The following TJP1 variants were observed in gnomAD, a reference collection of about 807,000 sequenced individuals.
TJP1 encodes the protein tight junction protein 1.
A neutral mutation model predicts 194.2 loss-of-function variants in TJP1; 43 were observed. The ratio of observed to expected loss-of-function variants is 0.22; its 90% confidence interval spans 0.17 to 0.29. The LOEUF is 0.29. Ranked by LOEUF, TJP1 falls within the 10% of genes least tolerant of loss-of-function variation. TJP1 has a pLI of 1.00. For missense variants in TJP1, 1,971 were observed against 2,185.7 expected, an observed-to-expected ratio of 0.90 and a Z score of 1.96; for synonymous variants, 801 against 779.0, an observed-to-expected ratio of 1.03 and a Z score of -0.47.
At chr15:29,838,089 C>A (rs1441659929) in intron 2 of TJP1, among the ~76,000 whole-genome samples, 1 of 152,156 alleles carries the variant, frequency 6.6e-6, no homozygotes, top group African/African-American at 2.4e-5. Context: ...TATAAAATAT[C>A]CACTGTTCTA....
chr15:29,778,148 G>T (rs2151697545), intron 2 of TJP1, among the ~76,000 whole-genome samples: 1 of 152,202 alleles, frequency 6.6e-6, no homozygotes, highest in East Asian at 1.9e-4. Flanking sequence ...GCACCTAGTA[G>T]GGCAGGTAAT....
At chr15:29,949,676 T>A (rs1318553616) in intron 2 of TJP1, among the ~76,000 whole-genome samples, 8 of 39,552 alleles carry the variant, frequency 2.0e-4, no homozygotes, top group South Asian at 1.2e-3. Context: ...AACCACCACC[T>A]CCACCTTCAC....
At chr15:29,939,718 G>C (rs1831779028) in intron 2 of TJP1, among the ~76,000 whole-genome samples, 1 of 152,198 alleles carries the variant, frequency 6.6e-6, no homozygotes, top group South Asian at 2.1e-4. Flanking sequence ...AGGTGATTAG[G>C]TGCTGGGCTG....
chr15:29,816,256 C>T (rs952019035), intron 1 of TJP1, among the ~76,000 whole-genome samples: 15 of 151,880 alleles, frequency 9.9e-5, no homozygotes, highest in African/African-American at 2.9e-4. Flanking sequence ...CTTGAAGTCC[C>T]GCCCTCAGGT....
chr15:29,948,811 GC>G (rs2055375884), intron 2 of TJP1, among the ~76,000 whole-genome samples: 1 of 151,944 alleles, frequency 6.6e-6, no homozygotes, highest in African/African-American at 2.4e-5. Context: ...TCTGTTATTT[GC>G]AAACAGGAAC....
At chr15:29,912,838 G>C (rs2054064993) in intron 2 of TJP1, among the ~76,000 whole-genome samples, 1 of 151,742 alleles carries the variant, frequency 6.6e-6, no homozygotes, top group South Asian at 2.1e-4. Flanking sequence ...ACACCAAATA[G>C]AGTGAATGCT....
rs2337174 is a variant in TJP1, at chr15:29,784,006, T to G, written c.85-10649A>C. On this transcript the variant is annotated intron_variant, in intron 2 of 27. Coordinates refer to ENST00000614355, the MANE Select transcript of TJP1 (RefSeq NM_001330239.4). ...TTAAAAAAAAGAACGCCAGAGATTT[T>G]ATAAAAAGGATTTGAGGAACATTAC... Among the ~76,000 whole-genome samples, 755 of 152,128 alleles carry G rather than the reference T, an allele frequency of 5.0e-3. 6 individuals carry two copies. Among genetic ancestry groups the G allele is most frequent in the African/African-American group, 0.017 (700 of 41,484 alleles).
chr15:29,761,674 A>G lies in TJP1; in HGVS notation c.789T>C (p.Asp263=). Reference sequence around the variant, plus strand: ...GGACATTCAATAGCGTAGCCCGTTCATCTCTTTGAACTACCATTTTTAATT... The same window carrying G: ...GGACATTCAATAGCGTAGCCCGTTCGTCTCTTTGAACTACCATTTTTAATT... ...KGKLKMVVQR[D]ERATLLNVPD... is the part of the protein sequence containing the mutation. The change falls in exon 7 of 28, where the codon GAT becomes GAC. Residue 263 remains aspartate, a synonymous_variant. Transcript: ENST00000614355. 6.2e-7 allele frequency: 1 copy of G among 1,611,018 alleles called. No individual in the cohort carries two copies. Among genetic ancestry groups the G allele is most frequent in the Non-Finnish European group, 8.5e-7 (1 of 1,177,474 alleles).
At chr15:29,773,208 T>C in intron 3 of TJP1, 25 bp downstream of exon 3, 2 of 1,612,794 alleles carry the variant, frequency 1.2e-6, no homozygotes, top group Non-Finnish European at 1.7e-6. Flanking sequence ...TGTTGCACAG[T>C]GCCCACGATA....
intron 2 of TJP1, among the ~76,000 whole-genome samples, chr15:29,928,806 G>A (rs1029771387): frequency 6.6e-6 from 1 of 152,098 alleles, no homozygotes; most frequent in Non-Finnish European, 1.5e-5. Context: ...GCTGGGCGTG[G>A]TGGTGGGCGC....
chr15:29,710,398 G>A (rs563262640), intron 24 of TJP1, among the ~76,000 whole-genome samples: 1 of 152,078 alleles, frequency 6.6e-6, no homozygotes, highest in Non-Finnish European at 1.5e-5. Flanking sequence ...ATATGCTGAG[G>A]GTAAAATGTT....
Position 29,705,765 on chromosome 15 carries a change from T to C in TJP1, c.4851-20A>G. 6.2e-7 allele frequency: 1 copy of C among 1,609,666 alleles called. No homozygotes were observed. The highest frequency in any genetic ancestry group is 8.5e-7 in the Non-Finnish European group (1 of 1,176,056). On this transcript the variant is annotated intron_variant, in intron 25 of 27. Coordinates refer to ENST00000614355, the MANE Select transcript of TJP1 (RefSeq NM_001330239.4). The stretch of plus-strand genomic sequence containing the variant: ...GAAGGACTGAAAGTTCAGAAATGGC[T>C]AGTGAGTGAATTCCTAATAATACAC...
Position 29,822,303 on chromosome 15 carries a change from AG to A in TJP1, c.-276del. The A allele has an allele frequency of 8.9e-7, 1 of 1,123,212 alleles. No individual in the cohort carries two copies. Among genetic ancestry groups the A allele is most frequent in the Non-Finnish European group, 1.1e-6 (1 of 917,888 alleles). 69.6% of individuals were successfully genotyped at this position (1,123,212 alleles called of 1,614,324 possible). A position where few individuals can be genotyped will look rare whatever the true frequency, so the allele number is the denominator to read the frequency against. On this transcript the variant is annotated 5_prime_UTR_variant, in exon 1 of 28. Transcript: ENST00000614355. ...CCACTCGGCCTCCCGCAGCTTTCGC[AG>A]CCCGGCCACGTCGGCCTCGCCCGGT...
intron 2 of TJP1, among the ~76,000 whole-genome samples, chr15:29,773,683 T>C (rs1283334312): frequency 1.3e-5 from 2 of 152,242 alleles, no homozygotes; most frequent in African/African-American, 4.8e-5. Context: ...CAGAGCCCAG[T>C]GTGATCATCA....
In TJP1 at chr15:29,731,536, C is replaced by T. The variant is rs1290159425; in HGVS notation, c.2017+897G>A. Among the ~76,000 whole-genome samples, 5 of 152,172 alleles carry T rather than the reference C, an allele frequency of 3.3e-5. 1 individual carries two copies. The highest frequency in any genetic ancestry group is 2.0e-4 in the Admixed American group (3 of 15,286). On this transcript the variant is annotated intron_variant, in intron 15 of 27. Coordinates refer to ENST00000614355, the MANE Select transcript of TJP1 (RefSeq NM_001330239.4). ...AAATTCTGCCATTTTCGTTTCACTT[C>T]CTGAAAGTCAGGGTTGGCTTGTGAA...
chr15:29,860,417 C>T (rs971248242), intron 2 of TJP1, among the ~76,000 whole-genome samples: 1 of 152,128 alleles, frequency 6.6e-6, no homozygotes, highest in African/African-American at 2.4e-5. Context: ...TTCGCCCTTG[C>T]CCTAGGATCA....
intron 2 of TJP1, among the ~76,000 whole-genome samples, chr15:29,874,468 G>A (rs566385909): frequency 5.1e-4 from 77 of 152,222 alleles, no homozygotes; most frequent in African/African-American, 1.7e-3. Flanking sequence ...CATATGAGAT[G>A]AGCCTACAAC....
chr15:29,761,153 C>G lies in TJP1; in HGVS notation c.996G>C (p.Gln332His). ...PSDHSRHSPQ[Q>H]PSNGSLRSRD... is the part of the protein sequence containing the mutation. Reference sequence around the variant, plus strand: ...GGGTGTCTTACCTGCCATTGCTTGGCTGCTGCGGCGAGTGCCTGGAATGAT... The same window carrying G: ...GGGTGTCTTACCTGCCATTGCTTGGGTGCTGCGGCGAGTGCCTGGAATGAT... The change falls in exon 8 of 28, where the codon CAG becomes CAC. Residue 332 changes from glutamine to histidine, a missense_variant. By Grantham distance (24) the Gln-to-His change is conservative. Around this residue, in one of 5 missense-constraint regions of TJP1, gnomAD observed 192 missense variants for 182.3 expected, o/e 1.05. Coordinates refer to ENST00000614355, the MANE Select transcript of TJP1 (RefSeq NM_001330239.4). The G allele has an allele frequency of 6.2e-7, 1 of 1,600,364 alleles. No homozygotes were observed. Among genetic ancestry groups the G allele is most frequent in the South Asian group, 1.1e-5 (1 of 88,338 alleles).
At chr15:29,742,838 G>C (rs2044515032) in intron 8 of TJP1, 57 bp from the exon 9 acceptor site, 1 of 1,489,794 alleles carries the variant, frequency 6.7e-7, no homozygotes. Context: ...GAAAGCATCT[G>C]TAAGAGAACA....
Sources: gnomAD v4.1 joint callset for allele counts (sites outside exome capture counted in the v4.1 genomes callset) on GRCh38, gnomAD v4.1.1 for gene constraint, gnomAD v4.1.1 regional missense constraint, MANE v1.5 for transcripts, NCBI Gene and HGNC (gene_info 2026-07-23, HGNC 2026-07-21) for gene names.